Variants in TSBP1 observed in about 807,000 individuals in gnomAD.
The protein encoded by TSBP1 is testis expressed basic protein 1, also known as testis-expressed basic protein 1.
In TSBP1, 56 loss-of-function variants were observed where a neutral mutation model predicts 68.8. The observed-to-expected ratio is 0.81, with a 90% CI of 0.66 to 1.02. The LOEUF (loss-of-function observed/expected upper bound fraction) is 1.02, where lower values mean the gene tolerates loss of function less well. Among genes scored for constraint, TSBP1 ranks in the 50% least tolerant of loss-of-function variants. The pLI is 0.00. For synonymous variants in TSBP1, 171 were observed against 208.7 expected, an observed-to-expected ratio of 0.82 and a Z score of 1.56; for missense variants, 502 against 641.2, an observed-to-expected ratio of 0.78 and a Z score of 2.34.
At chr6:32,303,355 G>A (rs190902881) in intron 19 of TSBP1, among the ~76,000 whole-genome samples, 141 of 151,188 alleles carry the variant, frequency 9.3e-4, no homozygotes, top group South Asian at 2.3e-3. Flanking sequence ...CTGTTGTTTG[G>A]TTCATACATA....
intron 8 of TSBP1, chr6:32,352,803 A>C (rs957411722): frequency 6.6e-6 from 1 of 151,924 alleles, no homozygotes; most frequent in Admixed American, 6.6e-5. Flanking sequence ...AGTCATGAGG[A>C]TATGAGTGGA....
At chr6:32,334,965 T>C (rs902839855) in intron 14 of TSBP1, among the ~76,000 whole-genome samples, 8 of 152,034 alleles carry the variant, frequency 5.3e-5, no homozygotes, top group African/African-American at 1.9e-4. Flanking sequence ...ACCCACGAGG[T>C]GGAGCTTGCA....
chr6:32,345,498 T>C (rs1308889221), intron 9 of TSBP1, among the ~76,000 whole-genome samples: 3 of 150,670 alleles, frequency 2.0e-5, no homozygotes, highest in African/African-American at 7.4e-5. Context: ...TTCTGGTTCC[T>C]CTACTTACTA....
At chr6:32,303,148 CTTG>C (rs151260147) in intron 19 of TSBP1, among the ~76,000 whole-genome samples, 5,985 of 152,178 alleles carry the variant, frequency 0.039, 331 homozygotes, top group African/African-American at 0.12. Context: ...GGGTGGTTTA[CTTG>C]TTGTCTTCTC....
intron 8 of TSBP1, among the ~76,000 whole-genome samples, chr6:32,354,237 A>G (rs1364530823): frequency 6.6e-6 from 1 of 152,012 alleles, no homozygotes. Context: ...AAGAATTACT[A>G]CAGATCAATA....
In TSBP1 at chr6:32,369,995, A is replaced by C; in HGVS notation, c.14-12T>G. On this transcript the variant is annotated splice_polypyrimidine_tract_variant and intron_variant, in intron 1 of 22. Coordinates refer to ENST00000612031, the Ensembl canonical transcript of TSBP1. Reference sequence around the variant, plus strand: ...AGCCAAAGTTATTTCTGAAAACAAAAACTCACCTGTAAACATGCTTATTTA... The same window carrying C: ...AGCCAAAGTTATTTCTGAAAACAAACACTCACCTGTAAACATGCTTATTTA... 1 of 1,563,916 alleles carries C rather than the reference A, an allele frequency of 6.4e-7. No homozygotes were observed. Among genetic ancestry groups the C allele is most frequent in the Non-Finnish European group, 8.8e-7 (1 of 1,135,344 alleles).
chr6:32,330,049 C>A (rs185816166), intron 16 of TSBP1, among the ~76,000 whole-genome samples: 1 of 152,102 alleles, frequency 6.6e-6, no homozygotes, highest in Non-Finnish European at 1.5e-5. Flanking sequence ...TGTGCGCGCG[C>A]GCACGTGTGT....
intron 22 of TSBP1, among the ~76,000 whole-genome samples, chr6:32,299,079 T>C (rs1765010880): frequency 6.6e-6 from 1 of 152,228 alleles, no homozygotes; most frequent in Non-Finnish European, 1.5e-5. Flanking sequence ...TGTGATTCAG[T>C]ATAGGAGGCA....
Position 32,321,398 on chromosome 6 carries a change from A to G in TSBP1, c.559+1719T>C, listed in dbSNP as rs181589892. 2.6e-5 allele frequency among the ~76,000 whole-genome samples: 4 copies of G among 152,238 alleles called. No homozygotes were observed. In the East Asian group the frequency reaches 5.8e-4, roughly 22 times the overall value. ...TGATGACTTCTCTGAAAAGGACACT[A>G]TGCCTTCAATTTGGATTTTGGCTTG... is the stretch of plus-strand genomic sequence containing the variant. On this transcript the variant is annotated intron_variant, in intron 18 of 22. Transcript: ENST00000612031. The surrounding 1 kb of genome is among the most constrained non-coding windows in gnomAD (Gnocchi z 4.3).
At position 32,368,402 on chromosome 6, in the gene TSBP1, A is replaced by T. The variant is rs532697648; in HGVS notation, c.133+380T>A. Among the ~76,000 whole-genome samples, 3 of 152,318 alleles carry T rather than the reference A, an allele frequency of 2.0e-5. No individual in the cohort carries two copies. The South Asian group carries it at 6.2e-4, about 32-fold the overall frequency. Reference sequence around the variant, plus strand: ...CACTCTCGTTATTCTAGGATACATTATATTTTTTGGTCCGGCCACTTCACT... The same window carrying T: ...CACTCTCGTTATTCTAGGATACATTTTATTTTTTGGTCCGGCCACTTCACT... On this transcript the variant is annotated intron_variant, in intron 3 of 22. Transcript: ENST00000612031.
chr6:32,315,931 A>C lies in TSBP1; in HGVS notation c.560-139T>G. The C allele has an allele frequency of 1.8e-6, 1 of 554,230 alleles. No homozygotes were observed. Among genetic ancestry groups the C allele is most frequent in the Non-Finnish European group, 3.2e-6 (1 of 315,176 alleles). 34.3% of individuals were successfully genotyped at this position (554,230 alleles called of 1,614,324 possible). A position where few individuals can be genotyped will look rare whatever the true frequency, so the allele number is the denominator to read the frequency against. The stretch of plus-strand genomic sequence containing the variant: ...GGAAGCATTCCAAACCACCCTATAG[A>C]TTAGTTTTAGATTAGTTTTACAATG... On this transcript the variant is annotated intron_variant, in intron 18 of 22. Coordinates refer to ENST00000612031, the Ensembl canonical transcript of TSBP1. This position sits in a 1 kb window ranked among gnomAD's most constrained non-coding sequence, Gnocchi z 5.4.
Position 32,304,265 on chromosome 6 carries a change from A to G in TSBP1, c.581-1636T>C, listed in dbSNP as rs980986661. 6.6e-6 allele frequency among the ~76,000 whole-genome samples: 1 copy of G among 152,226 alleles called. No individual in the cohort carries two copies. The highest frequency in any genetic ancestry group is 2.4e-5 in the African/African-American group (1 of 41,464). On this transcript the variant is annotated intron_variant, in intron 19 of 22. Coordinates refer to ENST00000612031, the Ensembl canonical transcript of TSBP1. The surrounding 1 kb of genome is among the most constrained non-coding windows in gnomAD (Gnocchi z 4.8). ...AAACAACAAAAGTGTCAGTGCAAAT[A>G]AAGGAATCGAGATGCTACAAAAGAC...
chr6:32,343,213 G>A lies in TSBP1; in HGVS notation c.350-3575C>T. Reference sequence around the variant, plus strand: ...AGCATAGGAGCCCAACAACACCAGAGTTTGAAACAAGAAGATAAACTTACT... The same window carrying A: ...AGCATAGGAGCCCAACAACACCAGAATTTGAAACAAGAAGATAAACTTACT... On this transcript the variant is annotated intron_variant, in intron 9 of 22. Coordinates refer to ENST00000612031, the Ensembl canonical transcript of TSBP1. This position sits in a 1 kb window ranked among gnomAD's most constrained non-coding sequence, Gnocchi z 4.3. The A allele has an allele frequency of 7.3e-7, 1 of 1,364,868 alleles. No homozygotes were observed. Among genetic ancestry groups the A allele is most frequent in the Middle Eastern group, 1.9e-4 (1 of 5,314 alleles). 84.5% of individuals were successfully genotyped at this position (1,364,868 alleles called of 1,614,324 possible).
chr6:32,304,391 G>C lies in TSBP1; in HGVS notation c.581-1762C>G, dbSNP rs561275633. On this transcript the variant is annotated intron_variant, in intron 19 of 22. Transcript: ENST00000612031. The surrounding 1 kb of genome is among the most constrained non-coding windows in gnomAD (Gnocchi z 4.8). ...TCAGTTTTTTTTTAAATTATGTATT[G>C]AGTTCCTATTGAAAATCCACTTGGA... Among the ~76,000 whole-genome samples the C allele has an allele frequency of 7.9e-5, 12 of 151,830 alleles. No individual in the cohort carries two copies. Among genetic ancestry groups the C allele is most frequent in the African/African-American group, 2.9e-4 (12 of 41,404 alleles).
intron 18 of TSBP1, among the ~76,000 whole-genome samples, chr6:32,319,672 C>T (rs572229376): frequency 1.3e-5 from 2 of 152,096 alleles, no homozygotes; most frequent in South Asian, 4.2e-4. Context: ...AGCACACTCC[C>T]CCTTCTATAC....
intron 16 of TSBP1, 131 bp downstream of exon 17, chr6:32,330,457 TA>T: frequency 1.3e-6 from 1 of 767,412 alleles, no homozygotes; most frequent in Non-Finnish European, 2.0e-6. Flanking sequence ...TCAGGAAGCA[TA>T]AAAACATGTG....
At position 32,343,246 on chromosome 6, in the gene TSBP1, C is replaced by T; in HGVS notation, c.350-3608G>A. 1 of 1,411,204 alleles carries T rather than the reference C, an allele frequency of 7.1e-7. No homozygotes were observed. Among genetic ancestry groups the T allele is most frequent in the Non-Finnish European group, 9.3e-7 (1 of 1,075,960 alleles). 87.4% of individuals were successfully genotyped at this position (1,411,204 alleles called of 1,614,324 possible). On this transcript the variant is annotated intron_variant, in intron 9 of 22. Transcript: ENST00000612031. This position sits in a 1 kb window ranked among gnomAD's most constrained non-coding sequence, Gnocchi z 4.3. Reference sequence around the variant, plus strand: ...CAAGAAGATAAACTTACTCATGGATCCTTGAGGTAAAGCTAAAGAACAATA... The same window carrying T: ...CAAGAAGATAAACTTACTCATGGATTCTTGAGGTAAAGCTAAAGAACAATA...
chr6:32,358,376 T>G (rs183613112), intron 6 of TSBP1, among the ~76,000 whole-genome samples: 188 of 152,322 alleles, frequency 1.2e-3, no homozygotes, highest in Non-Finnish European at 2.0e-3. Flanking sequence ...ACAAGTCATA[T>G]CTTAATGTGA....
chr6:32,293,073 T>C (rs749776185), exon 23 of TSBP1: 29 of 1,612,088 alleles, frequency 1.8e-5, no homozygotes, highest in Non-Finnish European at 2.4e-5. Flanking sequence ...TCTGATTCTC[T>C]CTTTCCTTTA....
Sources: allele counts gnomAD v4.1 joint callset (sites outside exome capture counted in the v4.1 genomes callset), GRCh38; gene constraint gnomAD v4.1.1; non-coding constraint Gnocchi (gnomAD v3.1); transcripts MANE v1.5; gene names NCBI Gene and HGNC (gene_info 2026-07-23, HGNC 2026-07-21).